Variants in NCALD observed in about 807,000 individuals in gnomAD.
NCALD encodes neurocalcin delta.
Under a neutral mutation model 18.6 loss-of-function variants are expected in NCALD, and 10 were observed. The observed-to-expected ratio is 0.54, with a 90% confidence interval of 0.33 to 0.91. The LOEUF is 0.91. Ranked by LOEUF, NCALD falls within the 40% of genes least tolerant of loss-of-function variation. NCALD has a pLI of 0.03. For missense variants in NCALD, 184 were observed against 247.6 expected (o/e 0.74, Z 1.72); for synonymous variants, 88 against 87.4 (o/e 1.01, Z -0.04).
intron 1 of NCALD, among the ~76,000 whole-genome samples, chr8:101,787,849 C>T (rs1422290876): frequency 6.6e-6 from 1 of 152,162 alleles, no homozygotes; most frequent in Non-Finnish European, 1.5e-5. Flanking sequence ...CGTGTATGTG[C>T]TTTACATTAA....
At chr8:101,796,425 ACT>A (rs905703044) in intron 4 of NCALD, among the ~76,000 whole-genome samples, 60 of 152,176 alleles carry the variant, frequency 3.9e-4, no homozygotes, top group African/African-American at 1.4e-3. Flanking sequence ...CTTTAAAATA[ACT>A]CTAATTTGTA....
At chr8:101,802,069 G>A (rs1030240367) in intron 4 of NCALD, among the ~76,000 whole-genome samples, 1 of 152,084 alleles carries the variant, frequency 6.6e-6, no homozygotes, top group African/African-American at 2.4e-5. Context: ...AAGGCTAGCC[G>A]TGCTGTTTCT....
At chr8:101,872,453 CCTTCT>C in intron 4 of NCALD, 1 of 977,260 alleles carries the variant, frequency 1.0e-6, no homozygotes, top group Non-Finnish European at 1.7e-6. Context: ...TCCTCTTCTG[CCTTCT>C]CTTCTGATTC....
intron 4 of NCALD, among the ~76,000 whole-genome samples, chr8:101,863,461 C>CTTT (rs374268615): frequency 1.0e-4 from 15 of 147,012 alleles, no homozygotes; most frequent in African/African-American, 3.7e-4. Context: ...ATGTTTCTCA[C>CTTT]TTTTTTTTTT....
chr8:101,691,721 C>T, intron 3 of NCALD: 2 of 985,338 alleles, frequency 2.0e-6, no homozygotes, highest in Non-Finnish European at 2.4e-6. Context: ...CAGACAGGCC[C>T]ATACCACACA....
chr8:101,706,278 T>C (rs544565756), intron 2 of NCALD, among the ~76,000 whole-genome samples: 4 of 151,580 alleles, frequency 2.6e-5, no homozygotes, highest in African/African-American at 7.3e-5. Flanking sequence ...GTGCCAAAGA[T>C]GTCTCTGACT....
chr8:101,742,621 T>A (rs1350183459), intron 1 of NCALD, among the ~76,000 whole-genome samples: 1 of 152,248 alleles, frequency 6.6e-6, no homozygotes, highest in Non-Finnish European at 1.5e-5. Flanking sequence ...AATAAAAATT[T>A]ATGTATATAG....
intron 4 of NCALD, among the ~76,000 whole-genome samples, chr8:101,804,343 ATAT>A (rs1360552063): frequency 3.0e-5 from 4 of 134,382 alleles, no homozygotes; most frequent in African/African-American, 1.1e-4. Flanking sequence ...TATCAATTAT[ATAT>A]TATATATAAT....
chr8:101,962,471 T>C (rs545123119), intron 2 of NCALD, among the ~76,000 whole-genome samples: 93 of 152,350 alleles, frequency 6.1e-4, no homozygotes, highest in African/African-American at 2.2e-3. Context: ...AAATTAGTTT[T>C]AATGCTTCCA....
chr8:102,022,543 A>C (rs1805020917), intron 1 of NCALD, among the ~76,000 whole-genome samples: 1 of 152,184 alleles, frequency 6.6e-6, no homozygotes, highest in South Asian at 2.1e-4. Flanking sequence ...GTTTTGAGCT[A>C]GTATTGAGGT....
chr8:101,782,394 A>C (rs112098642), intron 1 of NCALD, among the ~76,000 whole-genome samples: 2,823 of 152,276 alleles, frequency 0.019, 50 homozygotes, highest in African/African-American at 0.037. Context: ...AAAAATACTT[A>C]GCACATATTC....
At chr8:101,958,503 C>T (rs1159495503) in intron 2 of NCALD, among the ~76,000 whole-genome samples, 2 of 152,080 alleles carry the variant, frequency 1.3e-5, no homozygotes, top group Non-Finnish European at 2.9e-5. Context: ...GAGGGGGCTA[C>T]ATTACATAGA....
At chr8:101,738,270 G>A (rs557098408) in intron 1 of NCALD, among the ~76,000 whole-genome samples, 144 of 152,270 alleles carry the variant, frequency 9.5e-4, no homozygotes, top group Non-Finnish European at 1.5e-3. Context: ...CCAGCCGGGC[G>A]CAGTGGCTCC....
intron 1 of NCALD, among the ~76,000 whole-genome samples, chr8:101,751,039 C>T (rs1810634914): frequency 6.6e-6 from 1 of 152,176 alleles, no homozygotes; most frequent in Non-Finnish European, 1.5e-5. Context: ...AGTGTCATCA[C>T]CTTTTATATC....
At chr8:102,013,935 A>G (rs1465777214) in intron 2 of NCALD, among the ~76,000 whole-genome samples, 1 of 152,200 alleles carries the variant, frequency 6.6e-6, no homozygotes, top group Non-Finnish European at 1.5e-5. Context: ...ATAACAAGAT[A>G]CTCAAAGTCA....
intron 4 of NCALD, among the ~76,000 whole-genome samples, chr8:101,878,050 G>A (rs531767834): frequency 1.3e-5 from 2 of 152,184 alleles, no homozygotes; most frequent in African/African-American, 2.4e-5. Flanking sequence ...GGCACATGCT[G>A]TATGTCCCAG....
At chr8:102,021,589 G>A (rs1476846797) in intron 1 of NCALD, among the ~76,000 whole-genome samples, 3 of 152,156 alleles carry the variant, frequency 2.0e-5, no homozygotes, top group Non-Finnish European at 4.4e-5. Context: ...AGGTGGGTGG[G>A]GGTCAATCAG....
At chr8:101,873,421 T>C (rs1396208197) in intron 4 of NCALD, among the ~76,000 whole-genome samples, 1 of 152,232 alleles carries the variant, frequency 6.6e-6, no homozygotes, top group Non-Finnish European at 1.5e-5. Flanking sequence ...AAGACAGTTT[T>C]AGTGGTGCAT....
chr8:101,894,055 A>G (rs1241972829), intron 3 of NCALD, among the ~76,000 whole-genome samples: 1 of 147,422 alleles, frequency 6.8e-6, no homozygotes, highest in Non-Finnish European at 1.5e-5. Flanking sequence ...AATCAACAGA[A>G]TATACATTTT....
Sources: allele counts gnomAD v4.1 joint callset (sites outside exome capture counted in the v4.1 genomes callset), GRCh38; gene constraint gnomAD v4.1.1; transcripts MANE v1.5; gene names NCBI Gene and HGNC (gene_info 2026-07-23, HGNC 2026-07-21).